TMCC1: variants seen among roughly 807,000 people sequenced by gnomAD.
The protein encoded by TMCC1 is transmembrane and coiled-coil domains protein 1.
Under a neutral mutation model 52.4 loss-of-function variants are expected in TMCC1, and 15 were observed. That is an observed-to-expected ratio of 0.29 (90% confidence interval 0.19 to 0.44). The LOEUF (loss-of-function observed/expected upper bound fraction) is 0.44. TMCC1 is among the 20% of genes least tolerant of loss of function. The probability of loss-of-function intolerance (pLI) is 1.00; values close to 1 mark genes in which losing one functional copy is unlikely to be tolerated. For missense variants in TMCC1, 503 were observed against 806.0 expected, an observed-to-expected ratio of 0.62 and a Z score of 4.55; for synonymous variants, 279 against 301.9, an observed-to-expected ratio of 0.92 and a Z score of 0.79.
At chr3:129,888,652 A>G (rs1014214976) in intron 1 of TMCC1, among the ~76,000 whole-genome samples, 1 of 152,248 alleles carries the variant, frequency 6.6e-6, no homozygotes, top group Non-Finnish European at 1.5e-5. Flanking sequence ...GAAATAATTT[A>G]GCAATGAAAT....
chr3:129,882,900 A>G (rs1409184859), intron 1 of TMCC1, among the ~76,000 whole-genome samples: 1 of 152,158 alleles, frequency 6.6e-6, no homozygotes, highest in Non-Finnish European at 1.5e-5. Context: ...AAAGACTTTC[A>G]GTTTGCAAGA....
At chr3:129,881,558 G>A (rs951626521) in intron 1 of TMCC1, among the ~76,000 whole-genome samples, 3 of 151,976 alleles carry the variant, frequency 2.0e-5, no homozygotes, top group African/African-American at 7.3e-5. Context: ...GAAAACAAAG[G>A]GACATAAATG....
rs1012924370 is a variant in TMCC1, at chr3:129,838,863, A to G, written c.-183-6037T>C. On this transcript the variant is annotated intron_variant, in intron 2 of 6. Coordinates refer to ENST00000393238, the MANE Select transcript of TMCC1 (RefSeq NM_001017395.5). Reference sequence around the variant, plus strand: ...AAAGAGGGGAAAATATGTTACATACAGAGGAATAAAGATATAAGATTATAA... The same window carrying G: ...AAAGAGGGGAAAATATGTTACATACGGAGGAATAAAGATATAAGATTATAA... Among the ~76,000 whole-genome samples, 4 of 151,972 alleles carry G rather than the reference A, an allele frequency of 2.6e-5. No individual in the cohort carries two copies. The South Asian group carries it at 8.3e-4, about 32-fold the overall frequency.
intron 2 of TMCC1, among the ~76,000 whole-genome samples, chr3:129,866,367 T>C (rs2060648082): frequency 8.1e-6 from 1 of 123,538 alleles, no homozygotes; most frequent in African/African-American, 3.2e-5. Context: ...ATATATTTTA[T>C]ATATATATAT....
chr3:129,720,181 C>CAAAA (rs765678095), intron 4 of TMCC1, among the ~76,000 whole-genome samples: 13 of 58,638 alleles, frequency 2.2e-4, no homozygotes, highest in Admixed American at 4.0e-4. Context: ...GACCCTGTCT[C>CAAAA]AAAAAAAAAA....
chr3:129,688,087 A>C (rs975856143), intron 4 of TMCC1: 156 of 953,042 alleles, frequency 1.6e-4, no homozygotes, highest in Non-Finnish European at 1.9e-4. Flanking sequence ...GATTTTGCAA[A>C]ATGTTTTAGT....
chr3:129,877,924 C>CTGCGCCTGGCCAACATCT (rs1416680717), intron 2 of TMCC1, among the ~76,000 whole-genome samples: 2 of 151,540 alleles, frequency 1.3e-5, no homozygotes, highest in South Asian at 2.1e-4. Flanking sequence ...GCGTGAGCCA[C>CTGCGCCTGGCCAACATCT]CGTGACCAGC....
chr3:129,883,238 G>A (rs979594988), intron 1 of TMCC1, among the ~76,000 whole-genome samples: 3 of 152,100 alleles, frequency 2.0e-5, no homozygotes, highest in Admixed American at 6.6e-5. Context: ...CTTGAACCCG[G>A]GAGGCGGAGG....
intron 4 of TMCC1, among the ~76,000 whole-genome samples, chr3:129,805,158 T>C (rs1349030779): frequency 1.3e-5 from 2 of 152,066 alleles, no homozygotes; most frequent in African/African-American, 4.8e-5. Context: ...CCTTTTTATT[T>C]ATTTATTTAT....
At chr3:129,783,402 A>C (rs1323877199) in intron 4 of TMCC1, among the ~76,000 whole-genome samples, 1 of 152,156 alleles carries the variant, frequency 6.6e-6, no homozygotes, top group Non-Finnish European at 1.5e-5. Flanking sequence ...GAACACAGAA[A>C]ACTTTCCAAT....
rs2086130412 is a variant in TMCC1 at position 129,648,157 on chromosome 3, CAAT to C, written c.*3321_*3323del. ...CCATAATTTTGCCTGTGTCAGATTACAATAATGTTTGGTTTTGTTTTAGTTGCA... is the reference window on the plus strand; with the variant it reads ...CCATAATTTTGCCTGTGTCAGATTACAATGTTTGGTTTTGTTTTAGTTGCA... On this transcript the variant is annotated 3_prime_UTR_variant, in exon 7 of 7. Coordinates refer to ENST00000393238, the MANE Select transcript of TMCC1 (RefSeq NM_001017395.5). 4 of 152,314 alleles carry C rather than the reference CAAT, an allele frequency of 2.6e-5. No homozygotes were observed. Among genetic ancestry groups the C allele is most frequent in the Admixed American group, 2.6e-4 (4 of 15,272 alleles). 9.4% of individuals were successfully genotyped at this position (152,314 alleles called of 1,614,324 possible).
intron 4 of TMCC1, among the ~76,000 whole-genome samples, chr3:129,765,101 T>C (rs1164859879): frequency 2.0e-5 from 3 of 150,566 alleles, no homozygotes; most frequent in African/African-American, 7.3e-5. Flanking sequence ...TGCACCTAGC[T>C]TGTATTATTG....
intron 2 of TMCC1, among the ~76,000 whole-genome samples, chr3:129,850,063 T>C (rs1265850321): frequency 2.6e-5 from 4 of 152,146 alleles, no homozygotes; most frequent in African/African-American, 4.8e-5. Flanking sequence ...TTTCTTAAGA[T>C]ACAAAGTCTG....
At chr3:129,886,450 T>C (rs80248559) in intron 1 of TMCC1, among the ~76,000 whole-genome samples, 1 of 152,170 alleles carries the variant, frequency 6.6e-6, no homozygotes, top group East Asian at 1.9e-4. Flanking sequence ...CAAAAGCTTA[T>C]ACAAGAATAT....
At position 129,789,375 on chromosome 3, in the gene TMCC1, G is replaced by C. The variant is rs191450771; in HGVS notation, c.576+38428C>G. Among the ~76,000 whole-genome samples, 515 of 152,254 alleles carry C rather than the reference G, an allele frequency of 3.4e-3. 2 individuals are homozygous for C. Among genetic ancestry groups the C allele is most frequent in the Non-Finnish European group, 5.0e-3 (337 of 68,012 alleles). On this transcript the variant is annotated intron_variant, in intron 4 of 6. Transcript: ENST00000393238. ...ATCACAGAAAGATTAAGTCAGTCAT[G>C]TATCATAGGCCATAAACCCAAAAGA...
intron 4 of TMCC1, among the ~76,000 whole-genome samples, chr3:129,817,436 A>G (rs2058153617): frequency 6.6e-6 from 1 of 152,176 alleles, no homozygotes; most frequent in South Asian, 2.1e-4. Context: ...GCAACAAAGA[A>G]AGACCCTGTC....
chr3:129,795,616 A>G (rs1471795921), intron 4 of TMCC1, among the ~76,000 whole-genome samples: 2 of 152,238 alleles, frequency 1.3e-5, no homozygotes, highest in Admixed American at 1.3e-4. Flanking sequence ...ACAACCTTAT[A>G]AAATTTGTAT....
chr3:129,739,237 G>A (rs1487124523), intron 4 of TMCC1, among the ~76,000 whole-genome samples: 1 of 151,622 alleles, frequency 6.6e-6, no homozygotes, highest in African/African-American at 2.4e-5. Context: ...GCACCATCTG[G>A]GCTCACTGCA....
intron 2 of TMCC1, among the ~76,000 whole-genome samples, chr3:129,852,450 C>T (rs1458155728): frequency 7.7e-6 from 1 of 129,356 alleles, no homozygotes; most frequent in Non-Finnish European, 1.6e-5. Flanking sequence ...GAACGAGACA[C>T]CGTCTCAAAA....
Sources: allele counts gnomAD v4.1 joint callset (sites outside exome capture counted in the v4.1 genomes callset), GRCh38; gene constraint gnomAD v4.1.1; transcripts MANE v1.5; gene names NCBI Gene and HGNC (gene_info 2026-07-23, HGNC 2026-07-21).